Variants in SRGAP3 observed in about 807,000 individuals in gnomAD.
SRGAP3 encodes SLIT-ROBO Rho GTPase-activating protein 3.
SRGAP3 carries 39 observed loss-of-function variants against 121.1 expected under a neutral mutation model. That is an observed-to-expected ratio of 0.32 (90% CI 0.25 to 0.42). SRGAP3 has a LOEUF of 0.42. SRGAP3 is among the 10% of genes least tolerant of loss of function. The pLI is 1.00. For missense variants in SRGAP3, 1,213 were observed against 1,470.6 expected (o/e 0.82, Z 2.86); for synonymous variants, 601 against 570.0 (o/e 1.05, Z -0.77).
chr3:9,341,049 A>G lies in SRGAP3; in HGVS notation n.215-10453T>C, dbSNP rs1300510522. Among the ~76,000 whole-genome samples the G allele has an allele frequency of 3.9e-5, 6 of 152,336 alleles. No homozygotes were observed. The East Asian group carries it at 1.2e-3, about 29-fold the overall frequency. ...CGCAGAAAGTGTCCTCACATAACAG[A>G]TTGAGACAGAAAGAGAGAATGGGAA... On this transcript the variant is annotated intron_variant and non_coding_transcript_variant, in intron 1 of 3. Coordinates refer to the SRGAP3 transcript ENST00000490889.
intron 21 of SRGAP3, among the ~76,000 whole-genome samples, chr3:8,989,294 T>C (rs1559847739): frequency 6.6e-6 from 1 of 152,096 alleles, no homozygotes; most frequent in African/African-American, 2.4e-5. Flanking sequence ...TCCTCAAGTA[T>C]GGGGGGGACC....
intron 5 of SRGAP3, among the ~76,000 whole-genome samples, chr3:9,064,060 T>A (rs1480804382): frequency 6.6e-6 from 1 of 152,176 alleles, no homozygotes; most frequent in Non-Finnish European, 1.5e-5. Flanking sequence ...CTCCCGCTAA[T>A]GCCTTGTGAT....
At chr3:9,113,837 T>C (rs1006685721) in intron 2 of SRGAP3, among the ~76,000 whole-genome samples, 6 of 152,314 alleles carry the variant, frequency 3.9e-5, no homozygotes, top group Non-Finnish European at 8.8e-5. Context: ...CCCATCATGA[T>C]TGTAAGTTTC....
chr3:9,129,468 C>CA (rs750384100), intron 1 of SRGAP3, among the ~76,000 whole-genome samples: 6,576 of 68,814 alleles, frequency 0.096, 452 homozygotes, highest in African/African-American at 0.26. Context: ...GGTAGGTAAG[C>CA]AAAAAAAAAA....
rs1021038250 is a variant in SRGAP3, at chr3:9,168,552, C to T, written c.68-43635G>A. Among the ~76,000 whole-genome samples, 8 of 152,208 alleles carry T rather than the reference C, an allele frequency of 5.3e-5. No homozygotes were observed. The East Asian group carries it at 9.6e-4, about 18-fold the overall frequency. ...CCATTCACCTGCGCTTTTTAACATC[C>T]GCTTAACAACTTTCAAAAGCCCAAA... On this transcript the variant is annotated intron_variant, in intron 1 of 21. Coordinates refer to ENST00000383836, the MANE Select transcript of SRGAP3 (RefSeq NM_014850.4).
chr3:8,993,790 C>T (rs1343935097), intron 19 of SRGAP3, among the ~76,000 whole-genome samples: 1 of 152,168 alleles, frequency 6.6e-6, no homozygotes, highest in East Asian at 1.9e-4. Flanking sequence ...CTGACCAGAG[C>T]TCCCAAGGAA....
At chr3:9,101,509 C>G (rs6773896) in intron 3 of SRGAP3, among the ~76,000 whole-genome samples, 7,415 of 152,336 alleles carry the variant, frequency 0.049, 267 homozygotes, top group Non-Finnish European at 0.076. Flanking sequence ...GGACTTGAAG[C>G]AGAGAGGATG....
intron 1 of SRGAP3, among the ~76,000 whole-genome samples, chr3:9,235,226 T>C (rs753061946): frequency 6.6e-6 from 1 of 152,224 alleles, no homozygotes; most frequent in African/African-American, 2.4e-5. Context: ...CCTCAGCCTA[T>C]AGGCCTATGA....
intron 1 of SRGAP3, among the ~76,000 whole-genome samples, chr3:9,134,353 G>A (rs1443181360): frequency 6.6e-6 from 1 of 152,084 alleles, no homozygotes. Context: ...GGGAGCACTT[G>A]CCCCCTCTGC....
intron 4 of SRGAP3, among the ~76,000 whole-genome samples, chr3:9,079,512 T>C (rs781659243): frequency 2.0e-5 from 3 of 152,230 alleles, no homozygotes; most frequent in Non-Finnish European, 2.9e-5. Flanking sequence ...GTTATGAAAC[T>C]ATGCCTTGGA....
chr3:9,244,525 T>C (rs1180741883), intron 1 of SRGAP3, among the ~76,000 whole-genome samples: 2 of 152,028 alleles, frequency 1.3e-5, no homozygotes, highest in East Asian at 1.9e-4. Context: ...TCTGAATAGA[T>C]GCAGAACTAA....
intron 4 of SRGAP3, among the ~76,000 whole-genome samples, chr3:9,069,505 T>C (rs1297891640): frequency 6.6e-6 from 1 of 152,128 alleles, no homozygotes; most frequent in Non-Finnish European, 1.5e-5. Context: ...CCAGACTCTA[T>C]TCAGGGAGTC....
intron 18 of SRGAP3, among the ~76,000 whole-genome samples, chr3:9,004,490 G>A (rs1474976338): frequency 6.6e-6 from 1 of 152,136 alleles, no homozygotes. Flanking sequence ...GGACAAAGTT[G>A]GAGGACTTAA....
At chr3:9,340,742 T>C (rs886170671) in intron 1 of SRGAP3, among the ~76,000 whole-genome samples, 10 of 152,060 alleles carry the variant, frequency 6.6e-5, no homozygotes, top group Non-Finnish European at 1.3e-4. Flanking sequence ...AAGAGCCCTG[T>C]GGAAGAGATG....
chr3:9,280,002 G>T (rs1954648893), intron 3 of SRGAP3, among the ~76,000 whole-genome samples: 1 of 152,226 alleles, frequency 6.6e-6, no homozygotes, highest in Non-Finnish European at 1.5e-5. Context: ...ATTGGAGCCA[G>T]TGCCTCTGGC....
intron 21 of SRGAP3, among the ~76,000 whole-genome samples, chr3:8,987,176 G>A (rs1408301539): frequency 6.6e-6 from 1 of 152,212 alleles, no homozygotes; most frequent in Non-Finnish European, 1.5e-5. Flanking sequence ...AAACTGCCAG[G>A]TGGTGGTTTT....
intron 1 of SRGAP3, among the ~76,000 whole-genome samples, chr3:9,182,154 T>A (rs1482737236): frequency 6.4e-5 from 7 of 108,578 alleles, no homozygotes; most frequent in African/African-American, 2.6e-4. Context: ...CCAGCCTGGA[T>A]GACAGAGCAA....
intron 1 of SRGAP3, among the ~76,000 whole-genome samples, chr3:9,340,793 C>T (rs763811859): frequency 7.9e-5 from 12 of 152,126 alleles, no homozygotes; most frequent in African/African-American, 1.9e-4. Flanking sequence ...CCCTGTATGA[C>T]GGACTGGGAG....
intron 1 of SRGAP3, among the ~76,000 whole-genome samples, chr3:9,179,446 T>C (rs1951298164): frequency 6.6e-6 from 1 of 152,222 alleles, no homozygotes; most frequent in Non-Finnish European, 1.5e-5. Context: ...AGGTTTAACT[T>C]AGTTCTTGGC....
Sources: gnomAD v4.1 joint callset for allele counts (sites outside exome capture counted in the v4.1 genomes callset) on GRCh38, gnomAD v4.1.1 for gene constraint, MANE v1.5 for transcripts, NCBI Gene and HGNC (gene_info 2026-07-23, HGNC 2026-07-21) for gene names.